PAPPA2: variants seen among roughly 807,000 people sequenced by gnomAD.
PAPPA2 encodes the protein pappalysin-2.
PAPPA2 carries 86 observed loss-of-function variants against 176.4 expected under a neutral mutation model. That is an observed-to-expected ratio of 0.49 (90% confidence interval 0.41 to 0.58). The LOEUF (loss-of-function observed/expected upper bound fraction) is 0.58, where lower values mean the gene tolerates loss of function less well. PAPPA2 is among the 20% of genes least tolerant of loss of function. The pLI is 0.00. For synonymous variants in PAPPA2, 809 were observed against 852.2 expected, an observed-to-expected ratio of 0.95 and a Z score of 0.88; for missense variants, 2,073 against 2,256.9, an observed-to-expected ratio of 0.92 and a Z score of 1.65.
chr1:176,837,906 A>G (rs998061958), intron 21 of PAPPA2, among the ~76,000 whole-genome samples: 1 of 152,206 alleles, frequency 6.6e-6, no homozygotes, highest in Admixed American at 6.5e-5. Flanking sequence ...ACAGGTTGCC[A>G]TAGGAGACTC....
intron 3 of PAPPA2, among the ~76,000 whole-genome samples, chr1:176,628,782 C>G (rs1194908707): frequency 1.3e-5 from 2 of 152,214 alleles, no homozygotes; most frequent in African/African-American, 4.8e-5. Context: ...GAAACTGTCT[C>G]TCAGTGCTGA....
At chr1:176,750,459 GC>G (rs2102886430) in intron 14 of PAPPA2, among the ~76,000 whole-genome samples, 2 of 152,180 alleles carry the variant, frequency 1.3e-5, no homozygotes, top group African/African-American at 4.8e-5. Flanking sequence ...ACATAAATTA[GC>G]CTGGTGTGCT....
At chr1:176,764,048 C>T (rs1382258198) in intron 14 of PAPPA2, among the ~76,000 whole-genome samples, 1 of 152,106 alleles carries the variant, frequency 6.6e-6, no homozygotes, top group African/African-American at 2.4e-5. Flanking sequence ...TTGAGAGGCA[C>T]CCTGACTTTA....
At chr1:176,568,294 T>C (rs1292241338) in intron 2 of PAPPA2, among the ~76,000 whole-genome samples, 1 of 152,212 alleles carries the variant, frequency 6.6e-6, no homozygotes, top group Non-Finnish European at 1.5e-5. Flanking sequence ...AAAAAATCTA[T>C]TGCATAAATT....
At chr1:176,468,027 G>A (rs997415023) in intron 1 of PAPPA2, among the ~76,000 whole-genome samples, 2 of 152,190 alleles carry the variant, frequency 1.3e-5, no homozygotes, top group African/African-American at 4.8e-5. Context: ...CCATTATAAA[G>A]TGGACAAAAT....
At chr1:176,826,613 A>G (rs778944511) in intron 21 of PAPPA2, among the ~76,000 whole-genome samples, 11 of 152,384 alleles carry the variant, frequency 7.2e-5, no homozygotes, top group Non-Finnish European at 1.5e-5. Flanking sequence ...TGAACTGTCC[A>G]TAGACATGGG....
At chr1:176,800,226 T>A in intron 21 of PAPPA2, 94 bp downstream of exon 21, 2 of 1,177,000 alleles carry the variant, frequency 1.7e-6, no homozygotes, top group Middle Eastern at 2.0e-4. Context: ...ACCTGGTCCC[T>A]CTCCTATTCC....
At chr1:176,508,380 T>G (rs1558408076) in intron 1 of PAPPA2, among the ~76,000 whole-genome samples, 1 of 152,060 alleles carries the variant, frequency 6.6e-6, no homozygotes, top group Admixed American at 6.6e-5. Context: ...TGCATAATTA[T>G]TTAAAGAAAA....
Position 176,565,424 on chromosome 1 carries a change from G to T in PAPPA2, c.919+8183G>T, listed in dbSNP as rs1299886082. ...TAAAATGAAATGGGGGCTGGGCACAGTGGCTCACGCCTGTAAAACTAGCAC... is the reference window on the plus strand; with the variant it reads ...TAAAATGAAATGGGGGCTGGGCACATTGGCTCACGCCTGTAAAACTAGCAC... On this transcript the variant is annotated intron_variant, in intron 2 of 22. Transcript: ENST00000367662. Among the ~76,000 whole-genome samples, 5 of 152,340 alleles carry T rather than the reference G, an allele frequency of 3.3e-5. No individual in the cohort carries two copies. In the East Asian group the frequency reaches 9.7e-4, roughly 29 times the overall value.
At chr1:176,782,657 T>G (rs565953750) in intron 17 of PAPPA2, among the ~76,000 whole-genome samples, 1 of 152,116 alleles carries the variant, frequency 6.6e-6, no homozygotes, top group East Asian at 1.9e-4. Flanking sequence ...GGAAGGTGAA[T>G]GTGGCATTGA....
At chr1:176,587,876 C>T (rs147364930) in intron 2 of PAPPA2, among the ~76,000 whole-genome samples, 2 of 152,104 alleles carry the variant, frequency 1.3e-5, no homozygotes, top group Non-Finnish European at 2.9e-5. Flanking sequence ...CACATGTACC[C>T]TAGAAATTAA....
intron 7 of PAPPA2, 88 bp from the exon 8 acceptor site, chr1:176,699,012 T>C (rs924600498): frequency 1.4e-6 from 2 of 1,455,054 alleles, no homozygotes; most frequent in African/African-American, 1.4e-5. Flanking sequence ...GTTCTCTCCA[T>C]AGTTCCTCTT....
At chr1:176,644,224 C>T (rs1657263340) in intron 3 of PAPPA2, among the ~76,000 whole-genome samples, 1 of 151,702 alleles carries the variant, frequency 6.6e-6, no homozygotes, top group Non-Finnish European at 1.5e-5. Flanking sequence ...AATTAGGTGC[C>T]CTCTGTTCTT....
intron 4 of PAPPA2, among the ~76,000 whole-genome samples, chr1:176,689,914 T>C (rs975741341): frequency 6.6e-6 from 1 of 152,198 alleles, no homozygotes; most frequent in African/African-American, 2.4e-5. Context: ...CCTGGGCCTC[T>C]AGTATAACAC....
intron 3 of PAPPA2, among the ~76,000 whole-genome samples, chr1:176,662,294 A>G (rs1003228470): frequency 1.3e-5 from 2 of 152,160 alleles, no homozygotes; most frequent in Non-Finnish European, 2.9e-5. Context: ...ACATGAGAAA[A>G]TATATACAAA....
intron 3 of PAPPA2, among the ~76,000 whole-genome samples, chr1:176,612,187 C>T (rs957180177): frequency 6.6e-6 from 1 of 152,000 alleles, no homozygotes; most frequent in Non-Finnish European, 1.5e-5. Context: ...TGAGACCAGG[C>T]GTTTGAGACC....
At chr1:176,536,692 G>C (rs991953187) in intron 1 of PAPPA2, among the ~76,000 whole-genome samples, 1 of 152,228 alleles carries the variant, frequency 6.6e-6, no homozygotes, top group African/African-American at 2.4e-5. Flanking sequence ...AAAGCAGCAA[G>C]AGAAAGCATG....
chr1:176,670,797 TG>T (rs1370797957), intron 3 of PAPPA2, among the ~76,000 whole-genome samples, 172 bp from the exon 4 acceptor site: 1 of 152,208 alleles, frequency 6.6e-6, no homozygotes, highest in Non-Finnish European at 1.5e-5. Context: ...GCATCCCAAA[TG>T]TGTATTAGTG....
At position 176,769,474 on chromosome 1, in the gene PAPPA2, G is replaced by C. The variant is rs541511869; in HGVS notation, c.4324-133G>C. On this transcript the variant is annotated intron_variant, in intron 15 of 22. Transcript: ENST00000367662. ...ATATTAAAACAGTGAGGCCTGAAGA[G>C]GGAGAAAGGCAAAATAATTTGTCCC... 7.7e-6 allele frequency: 7 copies of C among 905,538 alleles called. No homozygotes were observed. The Admixed American group carries it at 1.7e-4, about 21-fold the overall frequency. 56.1% of individuals were successfully genotyped at this position (905,538 alleles called of 1,614,324 possible).
Sources: gnomAD v4.1 joint callset for allele counts (sites outside exome capture counted in the v4.1 genomes callset) on GRCh38, gnomAD v4.1.1 for gene constraint, MANE v1.5 for transcripts, NCBI Gene and HGNC (gene_info 2026-07-23, HGNC 2026-07-21) for gene names.